NFATC1: variants seen among roughly 807,000 people sequenced by gnomAD.
The protein encoded by NFATC1 is nuclear factor of activated T cells 1, also known as nuclear factor of activated T-cells, cytoplasmic 1.
NFATC1 carries 22 observed loss-of-function variants against 76.0 expected under a neutral mutation model. That is an observed-to-expected ratio of 0.29 (90% CI 0.21 to 0.41). The LOEUF (loss-of-function observed/expected upper bound fraction) is 0.41. NFATC1 is among the 10% of genes least tolerant of loss of function. The pLI is 1.00. For missense variants in NFATC1, 1,357 were observed against 1,337.7 expected (o/e 1.01, Z -0.23); for synonymous variants, 704 against 613.1 (o/e 1.15, Z -2.19).
intron 7 of NFATC1, among the ~76,000 whole-genome samples, chr18:79,463,524 C>T (rs1395791218): frequency 6.6e-6 from 1 of 152,266 alleles, no homozygotes; most frequent in Non-Finnish European, 1.5e-5. Context: ...CGGCCATTTC[C>T]TGTGCCCATA....
intron 3 of NFATC1, among the ~76,000 whole-genome samples, chr18:79,438,010 C>G (rs1296699213): frequency 6.6e-6 from 1 of 152,218 alleles, no homozygotes; most frequent in Non-Finnish European, 1.5e-5. Context: ...TCGTGCAACT[C>G]ATTGCCTTTC....
At chr18:79,467,637 T>C (rs1240853180) in intron 8 of NFATC1, 55 bp downstream of exon 8, 7 of 1,600,078 alleles carry the variant, frequency 4.4e-6, no homozygotes, top group East Asian at 2.3e-5. Flanking sequence ...GGGTGCTTTT[T>C]CTAAAGACGC....
intron 8 of NFATC1, among the ~76,000 whole-genome samples, chr18:79,472,122 C>G (rs952080452): frequency 6.6e-6 from 1 of 151,840 alleles, no homozygotes. Context: ...GCGATCATCA[C>G]GGGAGAGAGC....
At position 79,396,081 on chromosome 18, in the gene NFATC1, G is replaced by GC; in HGVS notation, c.-140dup. 1 of 1,016,914 alleles carries GC rather than the reference G, an allele frequency of 9.8e-7. No homozygotes were observed. Among genetic ancestry groups the GC allele is most frequent in the South Asian group, 4.0e-5 (1 of 25,138 alleles). The allele number at this position is 1,016,914 out of a possible 1,614,324, so 63.0% of individuals were successfully genotyped here. ...GCCGGGCCCCGCCACGCGCGCACAC[G>GC]CCCCTCGATGACTTTCCTCCGGGGC... is the stretch of plus-strand genomic sequence containing the variant. On this transcript the variant is annotated 5_prime_UTR_variant, in exon 1 of 10. Coordinates refer to ENST00000427363, the MANE Select transcript of NFATC1 (RefSeq NM_001278669.2).
intron 2 of NFATC1, among the ~76,000 whole-genome samples, chr18:79,413,453 A>G (rs956361253): frequency 1.3e-4 from 20 of 152,080 alleles, no homozygotes; most frequent in African/African-American, 4.6e-4. Flanking sequence ...TCTTCTCCCC[A>G]TGACTCCTCA....
At chr18:79,473,446 G>C (rs1252882914) in intron 8 of NFATC1, among the ~76,000 whole-genome samples, 2 of 152,128 alleles carry the variant, frequency 1.3e-5, no homozygotes, top group South Asian at 2.1e-4. Context: ...AGGGAAGCGT[G>C]TTCTCAGCTC....
chr18:79,451,544 G>T, intron 5 of NFATC1, 132 bp from the exon 6 acceptor site: 3 of 966,448 alleles, frequency 3.1e-6, no homozygotes, highest in Non-Finnish European at 4.3e-6. Flanking sequence ...GCATCCGCAG[G>T]GGTCGGCCCG....
intron 2 of NFATC1, among the ~76,000 whole-genome samples, chr18:79,414,372 A>G (rs1389458475): frequency 6.6e-6 from 1 of 152,160 alleles, no homozygotes; most frequent in Non-Finnish European, 1.5e-5. Flanking sequence ...TCCTGTCCCT[A>G]TGCCAGAAGG....
chr18:79,444,860 C>T (rs1211930861), intron 3 of NFATC1, among the ~76,000 whole-genome samples: 1 of 152,268 alleles, frequency 6.6e-6, no homozygotes, highest in Non-Finnish European at 1.5e-5. Context: ...TTCTGCACAC[C>T]ACACAGCCAG....
At chr18:79,447,403 A>C (rs2087256520) in intron 3 of NFATC1, among the ~76,000 whole-genome samples, 1 of 152,218 alleles carries the variant, frequency 6.6e-6, no homozygotes, top group East Asian at 1.9e-4. Flanking sequence ...CCAGGCCTGG[A>C]CTCTGCACGT....
At chr18:79,430,197 C>T (rs941391470) in intron 2 of NFATC1, among the ~76,000 whole-genome samples, 2 of 152,258 alleles carry the variant, frequency 1.3e-5, no homozygotes, top group Non-Finnish European at 2.9e-5. Flanking sequence ...ATGTAATAGT[C>T]AGCTGCAGAG....
At chr18:79,494,025 C>T (rs1352982265) in intron 9 of NFATC1, among the ~76,000 whole-genome samples, 2 of 152,222 alleles carry the variant, frequency 1.3e-5, no homozygotes, top group Non-Finnish European at 2.9e-5. Flanking sequence ...CTCAGGGAGC[C>T]CACCCTGTGA....
intron 2 of NFATC1, among the ~76,000 whole-genome samples, chr18:79,420,600 C>T (rs1393475444): frequency 6.6e-6 from 1 of 151,718 alleles, no homozygotes; most frequent in East Asian, 1.9e-4. Flanking sequence ...GATGCGTTTC[C>T]GGGAGACGTC....
chr18:79,494,882 C>A (rs1430987022), intron 9 of NFATC1, among the ~76,000 whole-genome samples: 1 of 139,214 alleles, frequency 7.2e-6, no homozygotes, highest in Non-Finnish European at 1.6e-5. Flanking sequence ...AGCGGGCACA[C>A]GCCCCCCATG....
chr18:79,478,097 GC>G (rs1175096611), intron 8 of NFATC1, among the ~76,000 whole-genome samples: 1 of 105,856 alleles, frequency 9.4e-6, no homozygotes, highest in East Asian at 2.5e-4. Flanking sequence ...CCATCCCCAG[GC>G]CCCCGTTCTT....
chr18:79,504,382 T>C (rs1045781164), intron 9 of NFATC1, among the ~76,000 whole-genome samples: 1 of 152,178 alleles, frequency 6.6e-6, no homozygotes, highest in Non-Finnish European at 1.5e-5. Context: ...TCTCAGGGAA[T>C]AGGGAGGCCT....
At chr18:79,401,184 C>T (rs1179797243) in intron 1 of NFATC1, among the ~76,000 whole-genome samples, 2 of 150,508 alleles carry the variant, frequency 1.3e-5, no homozygotes, top group African/African-American at 2.5e-5. Flanking sequence ...CCCGGGATCT[C>T]TTCTGTCCAG....
chr18:79,428,521 G>C (rs1432441523), intron 2 of NFATC1, among the ~76,000 whole-genome samples: 1 of 152,228 alleles, frequency 6.6e-6, no homozygotes, highest in Non-Finnish European at 1.5e-5. Context: ...CGGAGATGTG[G>C]TCTGGGAGTT....
At chr18:79,415,936 C>A (rs1339633821) in intron 2 of NFATC1, among the ~76,000 whole-genome samples, 2 of 152,120 alleles carry the variant, frequency 1.3e-5, no homozygotes, top group Non-Finnish European at 2.9e-5. Flanking sequence ...GTGGCGGGCG[C>A]CTGTAATCCC....
Sources: allele counts gnomAD v4.1 joint callset (sites outside exome capture counted in the v4.1 genomes callset), GRCh38; gene constraint gnomAD v4.1.1; transcripts MANE v1.5; gene names NCBI Gene and HGNC (gene_info 2026-07-23, HGNC 2026-07-21).